The following WWOX variants were observed in gnomAD, a reference collection of about 807,000 sequenced individuals.
WWOX encodes WW domain-containing oxidoreductase.
WWOX carries 69 observed loss-of-function variants against 46.2 expected under a neutral mutation model. The ratio of observed to expected loss-of-function variants is 1.49; its 90% confidence interval spans 1.23 to 1.82. The LOEUF is 1.82. Among genes scored for constraint, WWOX ranks in the 40% most tolerant of loss-of-function variants. The pLI is 0.00. For synonymous variants in WWOX, 359 were observed against 202.6 expected, an observed-to-expected ratio of 1.77 and a Z score of -6.56; for missense variants, 919 against 542.6, an observed-to-expected ratio of 1.69 and a Z score of -6.89.
At chr16:78,544,895 G>C (rs1003189536) in intron 8 of WWOX, among the ~76,000 whole-genome samples, 1 of 151,888 alleles carries the variant, frequency 6.6e-6, no homozygotes, top group Non-Finnish European at 1.5e-5. Flanking sequence ...ATGAGATTAT[G>C]GCCAGGGGTG....
chr16:78,526,161 G>A (rs16947980), intron 8 of WWOX: 2,627 of 152,302 alleles, frequency 0.017, 53 homozygotes, highest in African/African-American at 0.048. Flanking sequence ...AGATCCCGAG[G>A]AAGGGCTTCA....
rs117375208 is a variant in WWOX at position 78,223,821 on chromosome 16, C to A, written c.516+59532C>A. Among the ~76,000 whole-genome samples the A allele has an allele frequency of 7.2e-3, 1,100 of 152,192 alleles. 10 individuals are homozygous for A. The highest frequency in any genetic ancestry group is 0.035 in the East Asian group (182 of 5,160). On this transcript the variant is annotated intron_variant, in intron 5 of 8. Coordinates refer to ENST00000566780, the MANE Select transcript of WWOX (RefSeq NM_016373.4). ...TGGCGGAGTTTCCAAAACAGCAGCA[C>A]AACAAAATAGCCATTTACATGTCAA...
At chr16:79,104,654 C>T (rs1183017724) in intron 8 of WWOX, among the ~76,000 whole-genome samples, 1 of 152,154 alleles carries the variant, frequency 6.6e-6, no homozygotes, top group Non-Finnish European at 1.5e-5. Flanking sequence ...TGTCTCCTTG[C>T]ATTTAAAAAT....
At position 78,198,120 on chromosome 16, in the gene WWOX, C is replaced by G. The variant is rs144487698; in HGVS notation, c.516+33831C>G. Among the ~76,000 whole-genome samples the G allele has an allele frequency of 2.0e-3, 308 of 152,222 alleles. 2 individuals carry two copies. Among genetic ancestry groups the G allele is most frequent in the African/African-American group, 7.4e-3 (306 of 41,528 alleles). On this transcript the variant is annotated intron_variant, in intron 5 of 8. Transcript: ENST00000566780. ...TCCAGTCTCTGCAGGCATCTACGCT[C>G]CAGGTCTCCAGTCTGAGGAGTCTGG...
chr16:78,575,623 C>A (rs906711802), intron 8 of WWOX, among the ~76,000 whole-genome samples: 2 of 152,114 alleles, frequency 1.3e-5, no homozygotes, highest in African/African-American at 2.4e-5. Context: ...TAATAAGCAC[C>A]TACTGTGTGC....
intron 8 of WWOX, among the ~76,000 whole-genome samples, chr16:78,967,865 G>C (rs1269444759): frequency 6.6e-6 from 1 of 152,200 alleles, no homozygotes; most frequent in Non-Finnish European, 1.5e-5. Context: ...CTCTGTTGCA[G>C]CCTCCGGGGC....
chr16:78,354,236 A>T (rs1050892513), intron 5 of WWOX, among the ~76,000 whole-genome samples: 1 of 94,416 alleles, frequency 1.1e-5, no homozygotes, highest in Non-Finnish European at 2.2e-5. Flanking sequence ...GCACCCCCCC[A>T]CCCCTGCCAG....
At chr16:78,455,186 G>C (rs1180006825) in intron 8 of WWOX, among the ~76,000 whole-genome samples, 1 of 152,170 alleles carries the variant, frequency 6.6e-6, no homozygotes, top group Non-Finnish European at 1.5e-5. Flanking sequence ...CGTCTTTACT[G>C]AGACTTGAAT....
intron 4 of WWOX, among the ~76,000 whole-genome samples, chr16:78,140,507 G>A (rs1479168116): frequency 3.3e-5 from 5 of 152,142 alleles, no homozygotes; most frequent in African/African-American, 7.2e-5. Flanking sequence ...TTTAAAATGT[G>A]TAGGGAAGGA....
At chr16:78,547,018 C>T (rs1202011694) in intron 8 of WWOX, among the ~76,000 whole-genome samples, 4 of 150,224 alleles carry the variant, frequency 2.7e-5, no homozygotes, top group South Asian at 4.3e-4. Context: ...GTCCCAGCTA[C>T]TTGGGAGGCT....
At chr16:78,812,701 G>C (rs931734830) in intron 8 of WWOX, among the ~76,000 whole-genome samples, 6 of 151,916 alleles carry the variant, frequency 3.9e-5, no homozygotes, top group African/African-American at 1.5e-4. Context: ...ACTGCAGCCT[G>C]GGTGACAGAA....
chr16:78,559,182 C>T (rs374029416), intron 8 of WWOX, among the ~76,000 whole-genome samples: 1 of 152,154 alleles, frequency 6.6e-6, no homozygotes, highest in Non-Finnish European at 1.5e-5. Flanking sequence ...TAGATCTTAC[C>T]CTGACAGTCA....
At chr16:78,477,917 G>A (rs2084391250) in intron 8 of WWOX, among the ~76,000 whole-genome samples, 1 of 152,124 alleles carries the variant, frequency 6.6e-6, no homozygotes, top group Non-Finnish European at 1.5e-5. Context: ...AGATATTCTG[G>A]TTATGTTCGT....
chr16:78,334,723 G>T (rs2080839679), intron 5 of WWOX, among the ~76,000 whole-genome samples: 2 of 151,084 alleles, frequency 1.3e-5, no homozygotes, highest in Admixed American at 6.6e-5. Flanking sequence ...TAAACAAAAT[G>T]CTAACCCATA....
At chr16:78,733,467 G>T (rs112269327) in intron 8 of WWOX, among the ~76,000 whole-genome samples, 1 of 150,774 alleles carries the variant, frequency 6.6e-6, no homozygotes, top group Non-Finnish European at 1.5e-5. Context: ...AAAATAACTG[G>T]CTGGGCATGG....
chr16:78,466,441 T>A (rs2084080571), intron 8 of WWOX, among the ~76,000 whole-genome samples: 1 of 151,504 alleles, frequency 6.6e-6, no homozygotes, highest in African/African-American at 2.5e-5. Flanking sequence ...TTTGAAATAA[T>A]TTATGTTATG....
chr16:78,411,748 T>C (rs2082685889), intron 6 of WWOX, among the ~76,000 whole-genome samples: 1 of 152,192 alleles, frequency 6.6e-6, no homozygotes, highest in African/African-American at 2.4e-5. Context: ...GTGTGGGCTA[T>C]TGCAGTGACT....
chr16:78,518,412 G>A (rs370355195), intron 8 of WWOX, among the ~76,000 whole-genome samples: 159 of 152,094 alleles, frequency 1.0e-3, no homozygotes, highest in African/African-American at 3.8e-3. Context: ...TTAGAGATGG[G>A]ATTTCACCAT....
chr16:78,107,103 A>G (rs779686821), intron 1 of WWOX, among the ~76,000 whole-genome samples: 1 of 152,206 alleles, frequency 6.6e-6, no homozygotes, highest in Non-Finnish European at 1.5e-5. Flanking sequence ...TTGATAGGGA[A>G]AGAATGTTCA....
Sources: gnomAD v4.1 joint callset for allele counts (sites outside exome capture counted in the v4.1 genomes callset) on GRCh38, gnomAD v4.1.1 for gene constraint, MANE v1.5 for transcripts, NCBI Gene and HGNC (gene_info 2026-07-23, HGNC 2026-07-21) for gene names.